The following LTBP1 variants were observed in gnomAD, a reference collection of about 807,000 sequenced individuals.
LTBP1 encodes the protein latent-transforming growth factor beta-binding protein 1.
In LTBP1, 129 loss-of-function variants were observed where a neutral mutation model predicts 207.6. That is an observed-to-expected ratio of 0.62 (90% CI 0.54 to 0.72). The LOEUF is 0.72. Among genes scored for constraint, LTBP1 ranks in the 30% least tolerant of loss-of-function variants. The probability of loss-of-function intolerance (pLI) is 0.00; values close to 1 mark genes in which losing one functional copy is unlikely to be tolerated. For missense variants in LTBP1, 2,281 were observed against 2,217.2 expected (o/e 1.03, Z -0.58); for synonymous variants, 963 against 833.7 (o/e 1.16, Z -2.67).
chr2:33,385,957 G>C (rs2095262082), intron 31 of LTBP1, among the ~76,000 whole-genome samples: 1 of 152,124 alleles, frequency 6.6e-6, no homozygotes, highest in South Asian at 2.1e-4. Flanking sequence ...ACACGCTCTA[G>C]CATTTTAAGA....
At chr2:33,228,812 G>T (rs960967032) in intron 9 of LTBP1, among the ~76,000 whole-genome samples, 6 of 148,154 alleles carry the variant, frequency 4.0e-5, no homozygotes, top group African/African-American at 1.5e-4. Flanking sequence ...CGATTCCCCT[G>T]CCTCGGCCTC....
chr2:33,290,208 T>C (rs985496880), intron 19 of LTBP1, among the ~76,000 whole-genome samples: 2 of 152,188 alleles, frequency 1.3e-5, no homozygotes, highest in Admixed American at 1.3e-4. Flanking sequence ...GAGAAAGACA[T>C]TCATCTATCT....
At chr2:33,234,137 C>T (rs2091926111) in intron 9 of LTBP1, among the ~76,000 whole-genome samples, 1 of 152,130 alleles carries the variant, frequency 6.6e-6, no homozygotes, top group Admixed American at 6.6e-5. Flanking sequence ...TAGAATTCTG[C>T]CTTATAAAGT....
intron 2 of LTBP1, among the ~76,000 whole-genome samples, chr2:32,983,577 A>G (rs113449083): frequency 0.04 from 6,016 of 152,282 alleles, 195 homozygotes; most frequent in Non-Finnish European, 0.067. Flanking sequence ...GTAACTCCCA[A>G]TAATCCCCTT....
At position 33,006,381 on chromosome 2, in the gene LTBP1, CTTTT is replaced by C. The variant is rs3047193; in HGVS notation, c.566-14511_566-14508del. ...TTCAGAATGTCAGAAATAAGAAAGCCTTTTTTTTTTTTTTTTTTTTGAGACAGAG... is the reference window on the plus strand; with the variant it reads ...TTCAGAATGTCAGAAATAAGAAAGCCTTTTTTTTTTTTTTTTGAGACAGAG... On this transcript the variant is annotated intron_variant, in intron 2 of 33. Transcript: ENST00000404816. Among the ~76,000 whole-genome samples, 340 of 116,708 alleles carry C rather than the reference CTTTT, an allele frequency of 2.9e-3. 1 individual carries two copies. Among genetic ancestry groups the C allele is most frequent in the South Asian group, 0.01 (35 of 3,444 alleles). The allele number at this position is 116,708 out of a possible 152,430, so 76.6% of individuals were successfully genotyped here. A position where few individuals can be genotyped will look rare whatever the true frequency, so the allele number is the denominator to read the frequency against.
At chr2:33,287,082 TAAA>T (rs991481352) in intron 19 of LTBP1, among the ~76,000 whole-genome samples, 1 of 150,472 alleles carries the variant, frequency 6.6e-6, no homozygotes, top group Non-Finnish European at 1.5e-5. Context: ...AAAAGTATAA[TAAA>T]AATAAAATAA....
intron 5 of LTBP1, among the ~76,000 whole-genome samples, chr2:33,182,093 C>T (rs2086697497): frequency 6.6e-6 from 1 of 152,028 alleles, no homozygotes; most frequent in Admixed American, 6.6e-5. Context: ...ATTTATTATT[C>T]ATAAAGGGTT....
intron 10 of LTBP1, among the ~76,000 whole-genome samples, chr2:33,250,731 C>T (rs2092659627): frequency 6.6e-6 from 1 of 152,156 alleles, no homozygotes; most frequent in Non-Finnish European, 1.5e-5. Flanking sequence ...CTGGGTCCCA[C>T]ACACACCTTC....
chr2:32,964,389 TGCAAAGAC>T (rs1679621233), intron 2 of LTBP1, among the ~76,000 whole-genome samples: 2 of 152,192 alleles, frequency 1.3e-5, no homozygotes, highest in African/African-American at 4.8e-5. Flanking sequence ...AATAAATAAA[TGCAAAGAC>T]ATGTCACTTG....
intron 5 of LTBP1, among the ~76,000 whole-genome samples, chr2:33,157,866 A>G (rs1233229362): frequency 6.6e-6 from 1 of 152,260 alleles, no homozygotes; most frequent in African/African-American, 2.4e-5. Context: ...TATAGGCCAC[A>G]TGCGGTGGTT....
intron 3 of LTBP1, among the ~76,000 whole-genome samples, chr2:33,096,560 G>A (rs1315482814): frequency 6.6e-6 from 1 of 152,188 alleles, no homozygotes; most frequent in East Asian, 1.9e-4. Flanking sequence ...ACGACAACAG[G>A]ATCATTGGTG....
chr2:32,962,495 T>C (rs574778341), intron 2 of LTBP1, among the ~76,000 whole-genome samples: 3 of 152,236 alleles, frequency 2.0e-5, no homozygotes, highest in Non-Finnish European at 2.9e-5. Flanking sequence ...TTATATACAA[T>C]AGACCCTCAG....
chr2:33,340,665 TGAGGAG>T (rs997299483), intron 24 of LTBP1, among the ~76,000 whole-genome samples: 5 of 151,618 alleles, frequency 3.3e-5, no homozygotes, highest in African/African-American at 4.8e-5. Flanking sequence ...TCTAGGTCAT[TGAGGAG>T]GAGGAGGAGG....
At chr2:33,188,942 T>G (rs3922572) in intron 7 of LTBP1, 91 bp downstream of exon 7, 1 of 1,272,728 alleles carries the variant, frequency 7.9e-7, no homozygotes, top group Non-Finnish European at 1.1e-6. Context: ...AATGCTTTTT[T>G]AAAAAAAAGG....
rs2082007674 is a variant in LTBP1 at position 33,134,621 on chromosome 2, C to G, written c.1034-172C>G. The G allele has an allele frequency of 6.5e-7, 1 of 1,532,524 alleles. No homozygotes were observed. Among genetic ancestry groups the G allele is most frequent in the Non-Finnish European group, 8.8e-7 (1 of 1,138,446 alleles). The allele number at this position is 1,532,524 out of a possible 1,614,324, so 94.9% of individuals were successfully genotyped here. A position where few individuals can be genotyped will look rare whatever the true frequency, so the allele number is the denominator to read the frequency against. Reference sequence around the variant, plus strand: ...AGAGACACCACTGAATACAGAGCAGCGAGCACTGAAGGCTTCCCTCTTTCC... The same window carrying G: ...AGAGACACCACTGAATACAGAGCAGGGAGCACTGAAGGCTTCCCTCTTTCC... On this transcript the variant is annotated intron_variant, in intron 4 of 33. Coordinates refer to ENST00000404816, the MANE Select transcript of LTBP1 (RefSeq NM_206943.4). This position sits in a 1 kb window ranked among gnomAD's most constrained non-coding sequence, Gnocchi z 4.4.
At chr2:32,997,430 G>A (rs557534799) in intron 2 of LTBP1, among the ~76,000 whole-genome samples, 2 of 152,264 alleles carry the variant, frequency 1.3e-5, no homozygotes, top group South Asian at 4.1e-4. Flanking sequence ...GATCACTTAA[G>A]CCTGGGAGTT....
At chr2:33,233,475 A>T (rs1402212575) in intron 9 of LTBP1, among the ~76,000 whole-genome samples, 7 of 152,194 alleles carry the variant, frequency 4.6e-5, no homozygotes, top group Non-Finnish European at 5.9e-5. Flanking sequence ...ACCATTTCGT[A>T]AAATTATTCT....
intron 3 of LTBP1, among the ~76,000 whole-genome samples, chr2:33,047,573 G>A (rs2076510538): frequency 6.6e-6 from 1 of 152,190 alleles, no homozygotes; most frequent in Non-Finnish European, 1.5e-5. Flanking sequence ...ATGTGGTGCT[G>A]AGAAGATTGT....
At chr2:33,064,428 A>G (rs1448033137) in intron 3 of LTBP1, among the ~76,000 whole-genome samples, 1 of 152,152 alleles carries the variant, frequency 6.6e-6, no homozygotes, top group Non-Finnish European at 1.5e-5. Context: ...GAGATAAAGA[A>G]CTTTATTACT....
Sources: allele counts gnomAD v4.1 joint callset (sites outside exome capture counted in the v4.1 genomes callset), GRCh38; gene constraint gnomAD v4.1.1; non-coding constraint Gnocchi (gnomAD v3.1); transcripts MANE v1.5; gene names NCBI Gene and HGNC (gene_info 2026-07-23, HGNC 2026-07-21).